SLC38A9: variants seen among roughly 807,000 people sequenced by gnomAD.
SLC38A9 encodes the protein solute carrier family 38 member 9, also known as neutral amino acid transporter 9.
SLC38A9 carries 48 observed loss-of-function variants against 62.3 expected under a neutral mutation model. That is an observed-to-expected ratio of 0.77 (90% CI 0.61 to 0.98). SLC38A9 has a LOEUF of 0.98. Ranked by LOEUF, SLC38A9 falls within the 50% of genes least tolerant of loss-of-function variation. The pLI is 0.00. For synonymous variants in SLC38A9, 204 were observed against 227.7 expected (o/e 0.90, Z 0.94); for missense variants, 541 against 679.8 (o/e 0.80, Z 2.27).
intron 14 of SLC38A9, among the ~76,000 whole-genome samples, chr5:55,629,112 T>G (rs180855135): frequency 3.3e-5 from 5 of 152,324 alleles, no homozygotes; most frequent in East Asian, 3.8e-4. Context: ...AGGTATTGGC[T>G]GGGCTTTTGT....
chr5:55,636,239 AG>A (rs1427233059), intron 12 of SLC38A9, among the ~76,000 whole-genome samples: 3 of 152,204 alleles, frequency 2.0e-5, no homozygotes, highest in Non-Finnish European at 4.4e-5. Flanking sequence ...GGAAATCAAA[AG>A]GCAGCTGTTC....
chr5:55,643,508 T>C (rs1433840255), intron 12 of SLC38A9, among the ~76,000 whole-genome samples: 5 of 152,206 alleles, frequency 3.3e-5, no homozygotes, highest in Non-Finnish European at 5.9e-5. Flanking sequence ...CATTCCGCAG[T>C]TGAGAGAAAA....
At position 55,707,766 on chromosome 5, in the gene SLC38A9, T is replaced by C. The variant is rs186969903; in HGVS notation, c.-35+3686A>G. 7.2e-5 allele frequency among the ~76,000 whole-genome samples: 11 copies of C among 152,348 alleles called. No homozygotes were observed. In the East Asian group the frequency reaches 7.7e-4, roughly 11 times the overall value. ...GTTTGTGTCCCGTCCAAAATTCATA[T>C]GTTGAAACTTAATTGCCAATGTTAT... On this transcript the variant is annotated intron_variant, in intron 2 of 15. Transcript: ENST00000396865.
intron 3 of SLC38A9, among the ~76,000 whole-genome samples, chr5:55,678,034 T>C (rs1396774275): frequency 1.4e-5 from 2 of 144,242 alleles, no homozygotes; most frequent in Non-Finnish European, 3.0e-5. Flanking sequence ...GTGTCAGAAA[T>C]GAAGGGGAAG....
intron 9 of SLC38A9, among the ~76,000 whole-genome samples, chr5:55,655,429 C>G (rs993302644): frequency 6.6e-6 from 1 of 152,066 alleles, no homozygotes; most frequent in African/African-American, 2.4e-5. Flanking sequence ...ATAATTTTCT[C>G]TTTAAATACA....
In SLC38A9 at chr5:55,687,534, C is replaced by A. The variant is rs181644533; in HGVS notation, c.113+10312G>T. On this transcript the variant is annotated intron_variant, in intron 3 of 15. Transcript: ENST00000396865. Reference sequence around the variant, plus strand: ...CTATAAATTGCTTAGGGCAGTATGGCCATTTTAATGATATTGATTCTTCCT... The same window carrying A: ...CTATAAATTGCTTAGGGCAGTATGGACATTTTAATGATATTGATTCTTCCT... Among the ~76,000 whole-genome samples the A allele has an allele frequency of 9.2e-5, 14 of 151,812 alleles. No individual in the cohort carries two copies. In the East Asian group the frequency reaches 2.7e-3, roughly 29 times the overall value.
intron 3 of SLC38A9, among the ~76,000 whole-genome samples, chr5:55,686,843 A>C (rs1287103278): frequency 6.6e-6 from 1 of 152,182 alleles, no homozygotes. Context: ...ATGGCTACTC[A>C]GTTATCCCAG....
intron 4 of SLC38A9, among the ~76,000 whole-genome samples, chr5:55,672,004 T>G (rs1451551109): frequency 6.6e-6 from 1 of 152,094 alleles, no homozygotes; most frequent in Non-Finnish European, 1.5e-5. Flanking sequence ...CGAGCCATCA[T>G]GCTTGGCTAA....
chr5:55,632,580 A>G (rs991710366), intron 14 of SLC38A9, among the ~76,000 whole-genome samples: 2 of 152,234 alleles, frequency 1.3e-5, no homozygotes, highest in Admixed American at 1.3e-4. Flanking sequence ...TCTGAATCTC[A>G]GTCCCATTCT....
chr5:55,669,477 T>G, intron 6 of SLC38A9, 80 bp downstream of exon 6: 2 of 1,392,752 alleles, frequency 1.4e-6, no homozygotes, highest in Non-Finnish European at 2.0e-6. Context: ...TATGTAGATT[T>G]ATTAAAACCT....
intron 10 of SLC38A9, among the ~76,000 whole-genome samples, chr5:55,650,459 T>C (rs1488579765): frequency 6.6e-6 from 1 of 152,240 alleles, no homozygotes; most frequent in Non-Finnish European, 1.5e-5. Context: ...GTTGGAAGTC[T>C]GGTGATTGTT....
chr5:55,678,245 C>T (rs1382389383), intron 3 of SLC38A9, among the ~76,000 whole-genome samples: 1 of 151,088 alleles, frequency 6.6e-6, no homozygotes, highest in African/African-American at 2.4e-5. Flanking sequence ...TCAAGCAATT[C>T]TCCTGTCTCA....
rs548125259 is a variant in SLC38A9 at position 55,647,925 on chromosome 5, A to C, written c.1060+1282T>G. Among the ~76,000 whole-genome samples the C allele has an allele frequency of 7.2e-5, 11 of 152,296 alleles. No homozygotes were observed. The South Asian group carries it at 1.5e-3, about 20-fold the overall frequency. On this transcript the variant is annotated intron_variant, in intron 11 of 15. Coordinates refer to ENST00000396865, the MANE Select transcript of SLC38A9 (RefSeq NM_173514.4). ...CACTTCATTCCTTTTCTATTGCCAA[A>C]TAATATCCCATTGTACAGATATACC...
intron 9 of SLC38A9, 48 bp from the exon 10 acceptor site, chr5:55,652,771 A>AG: frequency 7.3e-7 from 1 of 1,366,382 alleles, no homozygotes; most frequent in South Asian, 1.4e-5. Context: ...AAAACAAAAC[A>AG]AAACAAAACA....
intron 12 of SLC38A9, among the ~76,000 whole-genome samples, chr5:55,645,455 G>A (rs1321816995): frequency 6.6e-6 from 1 of 152,158 alleles, no homozygotes; most frequent in Non-Finnish European, 1.5e-5. Flanking sequence ...TGACTCATGG[G>A]CCAAATCTTG....
intron 14 of SLC38A9, among the ~76,000 whole-genome samples, chr5:55,631,579 T>C (rs1206587615): frequency 1.3e-5 from 2 of 152,244 alleles, no homozygotes; most frequent in South Asian, 2.1e-4. Flanking sequence ...TCCAATCTTC[T>C]GGATAATAAC....
chr5:55,650,337 T>G (rs1747160519), intron 10 of SLC38A9, among the ~76,000 whole-genome samples: 1 of 152,150 alleles, frequency 6.6e-6, no homozygotes, highest in Non-Finnish European at 1.5e-5. Context: ...CAGGAAGGCC[T>G]TAGATGCTAA....
chr5:55,660,773 G>C (rs932050580), intron 8 of SLC38A9, among the ~76,000 whole-genome samples: 1 of 152,018 alleles, frequency 6.6e-6, no homozygotes, highest in Admixed American at 6.6e-5. Context: ...GAGATTTACA[G>C]TATATCTTTG....
In SLC38A9 at chr5:55,626,431, T is replaced by C; in HGVS notation, c.*63A>G. On this transcript the variant is annotated 3_prime_UTR_variant, in exon 16 of 16. Transcript: ENST00000396865. ...ACAGCAGCATTTACAAGTGAATTTA[T>C]ATAGAACTGTTGTCAAGGCTCAAAA... The C allele has an allele frequency of 7.4e-7, 1 of 1,358,134 alleles. No homozygotes were observed. The highest frequency in any genetic ancestry group is 1.0e-6 in the Non-Finnish European group (1 of 978,800). The allele number at this position is 1,358,134 out of a possible 1,614,324, so 84.1% of individuals were successfully genotyped here.
Sources: allele counts gnomAD v4.1 joint callset (sites outside exome capture counted in the v4.1 genomes callset), GRCh38; gene constraint gnomAD v4.1.1; transcripts MANE v1.5; gene names NCBI Gene and HGNC (gene_info 2026-07-23, HGNC 2026-07-21).